The following SSTR2 variants were observed in gnomAD, a reference collection of about 807,000 sequenced individuals.
SSTR2 encodes the protein somatostatin receptor type 2.
In SSTR2, 10 loss-of-function variants were observed where a neutral mutation model predicts 21.4. The observed-to-expected ratio is 0.47, with a 90% CI of 0.29 to 0.79. SSTR2 has a LOEUF of 0.79. Ranked by LOEUF, SSTR2 falls within the 30% of genes least tolerant of loss-of-function variation. The pLI is 0.10. For missense variants in SSTR2, 364 were observed against 468.8 expected (o/e 0.78, Z 2.06); for synonymous variants, 177 against 181.3 (o/e 0.98, Z 0.19).
chr17:73,166,033 A>G (rs1039687450), intron 1 of SSTR2, among the ~76,000 whole-genome samples: 1 of 151,940 alleles, frequency 6.6e-6, no homozygotes, highest in Non-Finnish European at 1.5e-5. Context: ...CTTCCTGGAA[A>G]TGGCACAGAG....
chr17:73,169,168 A>G lies in SSTR2; in HGVS notation c.-92-60A>G. The G allele has an allele frequency of 1.1e-6, 1 of 875,012 alleles. No individual in the cohort carries two copies. The highest frequency in any genetic ancestry group is 1.7e-6 in the Non-Finnish European group (1 of 589,188). The allele number at this position is 875,012 out of a possible 1,614,324, so 54.2% of individuals were successfully genotyped here. A position where few individuals can be genotyped will look rare whatever the true frequency, so the allele number is the denominator to read the frequency against. On this transcript the variant is annotated intron_variant, in intron 1 of 1. Coordinates refer to ENST00000357585, the MANE Select transcript of SSTR2 (RefSeq NM_001050.3). This position sits in a 1 kb window ranked among gnomAD's most constrained non-coding sequence, Gnocchi z 5.2. ...GAGAGGCTAAACCAGAAATGTGTAAATTTGGTGAGACTTTAAACAGCCTGT... is the reference window on the plus strand; with the variant it reads ...GAGAGGCTAAACCAGAAATGTGTAAGTTTGGTGAGACTTTAAACAGCCTGT...
chr17:73,174,922 G>A lies in SSTR2; in HGVS notation c.*4493G>A, dbSNP rs2061245126. Reference sequence around the variant, plus strand: ...AATATCAGTTCTGTTTTAAGTAACAGAATTGATAACTGAGCAGGGAAACGT... The same window carrying A: ...AATATCAGTTCTGTTTTAAGTAACAAAATTGATAACTGAGCAGGGAAACGT... On this transcript the variant is annotated 3_prime_UTR_variant, in exon 2 of 2. Coordinates refer to ENST00000357585, the MANE Select transcript of SSTR2 (RefSeq NM_001050.3). 1 of 152,704 alleles carries A rather than the reference G, an allele frequency of 6.5e-6. No homozygotes were observed. The highest frequency in any genetic ancestry group is 2.4e-5 in the African/African-American group (1 of 41,424). The allele number at this position is 152,704 out of a possible 1,614,324, so 9.5% of individuals were successfully genotyped here. A position where few individuals can be genotyped will look rare whatever the true frequency, so the allele number is the denominator to read the frequency against.
chr17:73,172,352 A>G lies in SSTR2; in HGVS notation c.*1923A>G, dbSNP rs1465350715. The G allele has an allele frequency of 1.3e-5, 2 of 152,198 alleles. No individual in the cohort carries two copies. Among genetic ancestry groups the G allele is most frequent in the African/African-American group, 4.8e-5 (2 of 41,436 alleles). The allele number at this position is 152,198 out of a possible 1,614,324, so 9.4% of individuals were successfully genotyped here. On this transcript the variant is annotated 3_prime_UTR_variant, in exon 2 of 2. Coordinates refer to ENST00000357585, the MANE Select transcript of SSTR2 (RefSeq NM_001050.3). ...TGTCATCATCTTTGGGTTTCATCTG[A>G]GAGCATCACTCAGCATCTCACACAT...
Position 73,171,382 on chromosome 17 carries a change from G to A in SSTR2, c.*953G>A, listed in dbSNP as rs72846738. 6,719 of 166,794 alleles carry A rather than the reference G, an allele frequency of 0.04. 165 individuals are homozygous for A. Among genetic ancestry groups the A allele is most frequent in the Non-Finnish European group, 0.062 (4,216 of 68,054 alleles). The allele number at this position is 166,794 out of a possible 1,614,324, so 10.3% of individuals were successfully genotyped here. On this transcript the variant is annotated 3_prime_UTR_variant, in exon 2 of 2. Transcript: ENST00000357585. Reference sequence around the variant, plus strand: ...GTTTTTCTTAGGGAGCTATGAGGGGGAAAAATCACTAACATGAAAGGCAAA... The same window carrying A: ...GTTTTTCTTAGGGAGCTATGAGGGGAAAAAATCACTAACATGAAAGGCAAA...
chr17:73,175,510 G>T lies in SSTR2; in HGVS notation c.*5081G>T, dbSNP rs9907227. 20,551 of 152,004 alleles carry T rather than the reference G, an allele frequency of 0.14. 1,805 individuals carry two copies. The highest frequency in any genetic ancestry group is 0.25 in the African/African-American group (10,356 of 41,378). 9.4% of individuals were successfully genotyped at this position (152,004 alleles called of 1,614,324 possible). A position where few individuals can be genotyped will look rare whatever the true frequency, so the allele number is the denominator to read the frequency against. On this transcript the variant is annotated 3_prime_UTR_variant, in exon 2 of 2. Coordinates refer to ENST00000357585, the MANE Select transcript of SSTR2 (RefSeq NM_001050.3). ...GGTTTTTGCCATGTTGGCCAGGCAGGTCTTGAACTCTTGACCTCAGGTGAT... is the reference window on the plus strand; with the variant it reads ...GGTTTTTGCCATGTTGGCCAGGCAGTTCTTGAACTCTTGACCTCAGGTGAT...
At chr17:73,166,988 G>A (rs2061218489) in intron 1 of SSTR2, among the ~76,000 whole-genome samples, 3 of 152,096 alleles carry the variant, frequency 2.0e-5, no homozygotes, top group African/African-American at 4.8e-5. Context: ...CAACCCAGGG[G>A]GATTCCGTGT....
chr17:73,170,552 C>A lies in SSTR2; in HGVS notation c.*123C>A. 3 of 1,252,230 alleles carry A rather than the reference C, an allele frequency of 2.4e-6. No homozygotes were observed. The highest frequency in any genetic ancestry group is 2.3e-6 in the Non-Finnish European group (2 of 872,440). 77.6% of individuals were successfully genotyped at this position (1,252,230 alleles called of 1,614,324 possible). A position where few individuals can be genotyped will look rare whatever the true frequency, so the allele number is the denominator to read the frequency against. On this transcript the variant is annotated 3_prime_UTR_variant, in exon 2 of 2. Transcript: ENST00000357585. ...GCTTCTAGAATAGAGGATTGCTCAG[C>A]ATGAGTCCAATTCAGAGAACGGTGT...
At chr17:73,167,359 C>T (rs1372315473) in intron 1 of SSTR2, among the ~76,000 whole-genome samples, 1 of 152,160 alleles carries the variant, frequency 6.6e-6, no homozygotes, top group Admixed American at 6.6e-5. Context: ...AGCAATGCAC[C>T]TGGCAGTTCA....
chr17:73,167,274 A>G (rs1599308043), intron 1 of SSTR2, among the ~76,000 whole-genome samples: 1 of 152,198 alleles, frequency 6.6e-6, no homozygotes, highest in South Asian at 2.1e-4. Flanking sequence ...AATACTTCAC[A>G]AAATGGTCAG....
At chr17:73,165,949 C>CA (rs564471313) in intron 1 of SSTR2, among the ~76,000 whole-genome samples, 28 of 151,658 alleles carry the variant, frequency 1.8e-4, no homozygotes, top group Admixed American at 4.6e-4. Context: ...AGCGCCCCCC[C>CA]CCCACACCCG....
In SSTR2 at chr17:73,169,103, T is replaced by G; in HGVS notation, c.-92-125T>G. The G allele has an allele frequency of 1.7e-6, 1 of 581,866 alleles. No individual in the cohort carries two copies. 36.0% of individuals were successfully genotyped at this position (581,866 alleles called of 1,614,324 possible). A position where few individuals can be genotyped will look rare whatever the true frequency, so the allele number is the denominator to read the frequency against. On this transcript the variant is annotated intron_variant, in intron 1 of 1. Coordinates refer to ENST00000357585, the MANE Select transcript of SSTR2 (RefSeq NM_001050.3). This position sits in a 1 kb window ranked among gnomAD's most constrained non-coding sequence, Gnocchi z 5.2. ...GAGGAACTCTAGAGCTTAATGTTGA[T>G]GTGGAAAGATAATACATTTTTCAAT...
rs748219868 is a variant in SSTR2, at chr17:73,170,428, G to A, written c.1109G>A (p.Ter370=). 4.0e-5 allele frequency: 65 copies of A among 1,611,406 alleles called. No homozygotes were observed. The highest frequency in any genetic ancestry group is 5.0e-5 in the Non-Finnish European group (59 of 1,178,634). The change falls in exon 2 of 2, where the codon TGA becomes TAA. Residue 370 remains the stop codon, a stop_retained_variant. Coordinates refer to ENST00000357585, the MANE Select transcript of SSTR2 (RefSeq NM_001050.3). ...AATGGAGACCTCCAAACCAGTATCT[G>A]AACTGCTTGGGGGGTGGGAAAGAAC... ...LLNGDLQTSI[*]
At position 73,173,644 on chromosome 17, in the gene SSTR2, G is replaced by A. The variant is rs2145073083; in HGVS notation, c.*3215G>A. On this transcript the variant is annotated 3_prime_UTR_variant, in exon 2 of 2. Coordinates refer to ENST00000357585, the MANE Select transcript of SSTR2 (RefSeq NM_001050.3). ...AAAGTAATGCACCCCATTGATTTCA[G>A]AGTATCTGATCACTTGGGTTATGCA... is the stretch of plus-strand genomic sequence containing the variant. The A allele has an allele frequency of 6.6e-6, 1 of 152,326 alleles. No individual in the cohort carries two copies. The highest frequency in any genetic ancestry group is 2.4e-5 in the African/African-American group (1 of 41,576). The allele number at this position is 152,326 out of a possible 1,614,324, so 9.4% of individuals were successfully genotyped here.
At chr17:73,165,942 G>GCCCC (rs398041871) in intron 1 of SSTR2, among the ~76,000 whole-genome samples, 143 of 142,340 alleles carry the variant, frequency 1.0e-3, no homozygotes, top group African/African-American at 3.6e-3. Context: ...TGTCCTCAGC[G>GCCCC]CCCCCCCCCC....
Position 73,171,865 on chromosome 17 carries a change from A to T in SSTR2, c.*1436A>T, listed in dbSNP as rs2145071515. ...GAACTTGGGAGGTGGAGGTTGCAGT[A>T]AGCTGAGATTGTGCCACTGCACTCT... On this transcript the variant is annotated 3_prime_UTR_variant, in exon 2 of 2. Coordinates refer to ENST00000357585, the MANE Select transcript of SSTR2 (RefSeq NM_001050.3). 7.5e-6 allele frequency: 1 copy of T among 134,108 alleles called. No homozygotes were observed. Among genetic ancestry groups the T allele is most frequent in the South Asian group, 2.5e-4 (1 of 3,954 alleles). The allele number at this position is 134,108 out of a possible 1,614,324, so 8.3% of individuals were successfully genotyped here. A position where few individuals can be genotyped will look rare whatever the true frequency, so the allele number is the denominator to read the frequency against.
rs1599308915 is a variant in SSTR2, at chr17:73,169,189, C to T, written c.-92-39C>T. On this transcript the variant is annotated intron_variant, in intron 1 of 1. Coordinates refer to ENST00000357585, the MANE Select transcript of SSTR2 (RefSeq NM_001050.3). This position sits in a 1 kb window ranked among gnomAD's most constrained non-coding sequence, Gnocchi z 5.2. ...GTAAATTTGGTGAGACTTTAAACAG[C>T]CTGTGACCGACGGGCCAATCTTCCT... 1 of 1,132,312 alleles carries T rather than the reference C, an allele frequency of 8.8e-7. No individual in the cohort carries two copies. The highest frequency in any genetic ancestry group is 1.2e-6 in the Non-Finnish European group (1 of 820,844). The allele number at this position is 1,132,312 out of a possible 1,614,324, so 70.1% of individuals were successfully genotyped here.
intron 1 of SSTR2, among the ~76,000 whole-genome samples, chr17:73,167,655 T>C (rs1458618718): frequency 6.6e-6 from 1 of 152,194 alleles, no homozygotes; most frequent in East Asian, 1.9e-4. Flanking sequence ...AACACTTCTC[T>C]TTGGAAGCCT....
In SSTR2 at chr17:73,169,236, C is replaced by G. The variant is rs544628658; in HGVS notation, c.-84C>G. The G allele has an allele frequency of 6.8e-7, 1 of 1,466,044 alleles. No individual in the cohort carries two copies. The highest frequency in any genetic ancestry group is 9.1e-7 in the Non-Finnish European group (1 of 1,099,942). 90.8% of individuals were successfully genotyped at this position (1,466,044 alleles called of 1,614,324 possible). On this transcript the variant is annotated 5_prime_UTR_variant, in exon 2 of 2. Coordinates refer to ENST00000357585, the MANE Select transcript of SSTR2 (RefSeq NM_001050.3). This position sits in a 1 kb window ranked among gnomAD's most constrained non-coding sequence, Gnocchi z 5.2. ...TCCTCTTTTCCTTCCAGATGTCACACTGGATCCTTGGCCTCCAGGGTCCAT... is the reference window on the plus strand; with the variant it reads ...TCCTCTTTTCCTTCCAGATGTCACAGTGGATCCTTGGCCTCCAGGGTCCAT...
At position 73,169,908 on chromosome 17, in the gene SSTR2, T is replaced by G; in HGVS notation, c.589T>G (p.Trp197Gly). ...GGGGAGAAGCAGCTGCACCATCAAC[T>G]GGCCAGGTGAATCTGGGGCTTGGTA... ...QWGRSSCTIN[W>G]PGESGAWYTG... The change falls in exon 2 of 2, where the codon TGG becomes GGG. Residue 197 changes from tryptophan to glycine, a missense_variant. By Grantham distance (184) the Trp-to-Gly change is radical. Around this residue, in one of 4 missense-constraint regions of SSTR2, gnomAD observed 193 missense variants for 273.1 expected, o/e 0.71. Transcript: ENST00000357585. This position sits in a 1 kb window ranked among gnomAD's most constrained non-coding sequence, Gnocchi z 5.2. 1 of 1,609,556 alleles carries G rather than the reference T, an allele frequency of 6.2e-7. No individual in the cohort carries two copies. Among genetic ancestry groups the G allele is most frequent in the Non-Finnish European group, 8.5e-7 (1 of 1,176,660 alleles).
Sources: allele counts gnomAD v4.1 joint callset (sites outside exome capture counted in the v4.1 genomes callset), GRCh38; gene constraint gnomAD v4.1.1; regional missense constraint gnomAD v4.1.1; non-coding constraint Gnocchi (gnomAD v3.1); transcripts MANE v1.5; gene names NCBI Gene and HGNC (gene_info 2026-07-23, HGNC 2026-07-21).